The following PDZRN4 variants were observed in gnomAD, a reference collection of about 807,000 sequenced individuals.
The protein encoded by PDZRN4 is PDZ domain containing ring finger 4, also known as PDZ domain-containing RING finger protein 4.
In PDZRN4, 70 loss-of-function variants were observed where a neutral mutation model predicts 99.0. That is an observed-to-expected ratio of 0.71 (90% confidence interval 0.58 to 0.86). The LOEUF is 0.86. Ranked by LOEUF, PDZRN4 falls within the 40% of genes least tolerant of loss-of-function variation. The pLI, the probability that PDZRN4 is intolerant of heterozygous loss-of-function variation, is 0.00. For missense variants in PDZRN4, 1,474 were observed against 1,331.2 expected, an observed-to-expected ratio of 1.11 and a Z score of -1.67; for synonymous variants, 551 against 501.6, an observed-to-expected ratio of 1.10 and a Z score of -1.32.
At chr12:41,308,571 T>C (rs1951586402) in intron 3 of PDZRN4, among the ~76,000 whole-genome samples, 1 of 152,184 alleles carries the variant, frequency 6.6e-6, no homozygotes. Flanking sequence ...AATTCCAAAC[T>C]GAGCACTAGA....
chr12:41,194,229 A>T, intron 3 of PDZRN4, 41 bp downstream of exon 3: 1 of 910,174 alleles, frequency 1.1e-6, no homozygotes, highest in Non-Finnish European at 1.8e-6. Flanking sequence ...CATGCAAGAA[A>T]GATTGGGATA....
chr12:41,218,091 C>T (rs1950932808), intron 3 of PDZRN4, among the ~76,000 whole-genome samples: 1 of 152,142 alleles, frequency 6.6e-6, no homozygotes, highest in South Asian at 2.1e-4. Context: ...ATTCAGGCTG[C>T]TCCCTCTGCA....
intron 3 of PDZRN4, among the ~76,000 whole-genome samples, chr12:41,501,491 A>C (rs1161861126): frequency 6.6e-6 from 1 of 152,174 alleles, no homozygotes; most frequent in East Asian, 1.9e-4. Flanking sequence ...TAGATGATTC[A>C]TTAAACAGAA....
chr12:41,382,335 G>C (rs1952133895), intron 3 of PDZRN4, among the ~76,000 whole-genome samples: 1 of 152,040 alleles, frequency 6.6e-6, no homozygotes, highest in South Asian at 2.1e-4. Context: ...CCTGTGTTTG[G>C]GTATGGTCAC....
chr12:41,283,533 T>C (rs148049496), intron 3 of PDZRN4, among the ~76,000 whole-genome samples: 2,343 of 152,176 alleles, frequency 0.015, 23 homozygotes, highest in Middle Eastern at 0.034. Flanking sequence ...CATCCTGATA[T>C]CCCAACCTGG....
chr12:41,551,134 G>T lies in PDZRN4; in HGVS notation c.1204-1522G>T, dbSNP rs114276922. 5.1e-3 allele frequency among the ~76,000 whole-genome samples: 770 copies of T among 152,220 alleles called. 6 individuals are homozygous for T. Among genetic ancestry groups the T allele is most frequent in the African/African-American group, 0.017 (716 of 41,536 alleles). On this transcript the variant is annotated intron_variant, in intron 5 of 9. Transcript: ENST00000402685. The stretch of plus-strand genomic sequence containing the variant: ...CAGTTCTAGAGTTTAGGAAGTAGAA[G>T]ATCAAGGCACCAGGAGTTTTAGTGT...
At chr12:41,553,068 A>T (rs1215568199) in intron 6 of PDZRN4, among the ~76,000 whole-genome samples, 1 of 152,246 alleles carries the variant, frequency 6.6e-6, no homozygotes. Flanking sequence ...TTTGATCCTC[A>T]AACATCTGTC....
At chr12:41,417,240 A>ATGTCATAG (rs1483578074) in intron 3 of PDZRN4, among the ~76,000 whole-genome samples, 1 of 152,200 alleles carries the variant, frequency 6.6e-6, no homozygotes, top group Non-Finnish European at 1.5e-5. Flanking sequence ...CATGTCTTTA[A>ATGTCATAG]TGTCATAGTG....
intron 3 of PDZRN4, 56 bp downstream of exon 3, chr12:41,194,244 A>C (rs188824096): frequency 4.7e-6 from 4 of 851,036 alleles, no homozygotes; most frequent in South Asian, 4.3e-5. Context: ...GGGATATTTT[A>C]AGTTTTCAAA....
At chr12:41,199,362 T>C (rs1204096757) in intron 3 of PDZRN4, among the ~76,000 whole-genome samples, 2 of 152,132 alleles carry the variant, frequency 1.3e-5, no homozygotes, top group South Asian at 2.1e-4. Context: ...AAACAATAGA[T>C]GTTGGTGAAA....
intron 5 of PDZRN4, among the ~76,000 whole-genome samples, chr12:41,516,003 G>C (rs940361785): frequency 6.6e-6 from 1 of 151,990 alleles, no homozygotes; most frequent in African/African-American, 2.4e-5. Context: ...AGAGGAAGCT[G>C]TGTGCTTTCC....
intron 1 of PDZRN4, among the ~76,000 whole-genome samples, chr12:41,190,808 G>A (rs1470727950): frequency 6.6e-6 from 1 of 152,152 alleles, no homozygotes; most frequent in East Asian, 1.9e-4. Flanking sequence ...AATAAACATT[G>A]TAGCTATAAT....
intron 3 of PDZRN4, among the ~76,000 whole-genome samples, chr12:41,433,674 A>T (rs1565581604): frequency 6.6e-6 from 1 of 152,230 alleles, no homozygotes; most frequent in Admixed American, 6.5e-5. Flanking sequence ...GAGTCATTGC[A>T]AAAGGCATAA....
At position 41,352,853 on chromosome 12, in the gene PDZRN4, G is replaced by A. The variant is rs74978455; in HGVS notation, c.844-153603G>A. Among the ~76,000 whole-genome samples the A allele has an allele frequency of 9.0e-3, 1,369 of 152,148 alleles. 18 individuals carry two copies. The highest frequency in any genetic ancestry group is 0.032 in the African/African-American group (1,328 of 41,534). On this transcript the variant is annotated intron_variant, in intron 3 of 9. Coordinates refer to ENST00000402685, the MANE Select transcript of PDZRN4 (RefSeq NM_001164595.2). ...TATTGTCATGATGGTTGCAATCTGA[G>A]GATATAAAACTACACATGTGAAAAG...
At chr12:41,258,969 G>A (rs73120939) in intron 3 of PDZRN4, among the ~76,000 whole-genome samples, 5,835 of 149,942 alleles carry the variant, frequency 0.039, 387 homozygotes, top group African/African-American at 0.13. Flanking sequence ...AGTACATGGC[G>A]GGGGGGCACT....
intron 3 of PDZRN4, among the ~76,000 whole-genome samples, chr12:41,207,984 A>T (rs938726872): frequency 6.6e-6 from 1 of 151,764 alleles, no homozygotes; most frequent in Non-Finnish European, 1.5e-5. Flanking sequence ...TATAGTGATC[A>T]TTATGTGTTT....
At chr12:41,287,818 A>C (rs186384913) in intron 3 of PDZRN4, among the ~76,000 whole-genome samples, 1 of 152,308 alleles carries the variant, frequency 6.6e-6, no homozygotes, top group Non-Finnish European at 1.5e-5. Flanking sequence ...CCTTCAGTGA[A>C]TTTGGGTAGA....
chr12:41,524,431 A>C (rs1220495017), intron 5 of PDZRN4, among the ~76,000 whole-genome samples: 1 of 152,172 alleles, frequency 6.6e-6, no homozygotes, highest in East Asian at 1.9e-4. Flanking sequence ...AAGGTCAAGA[A>C]CTGTTCATAG....
intron 3 of PDZRN4, among the ~76,000 whole-genome samples, chr12:41,301,596 G>A (rs1445724624): frequency 1.3e-5 from 2 of 152,002 alleles, no homozygotes; most frequent in African/African-American, 4.8e-5. Flanking sequence ...AGAGCTTATT[G>A]CAGTTAATCA....
Sources: allele counts gnomAD v4.1 joint callset (sites outside exome capture counted in the v4.1 genomes callset), GRCh38; gene constraint gnomAD v4.1.1; transcripts MANE v1.5; gene names NCBI Gene and HGNC (gene_info 2026-07-23, HGNC 2026-07-21).